OTX1: variants seen among roughly 807,000 people sequenced by gnomAD.
OTX1 encodes the protein orthodenticle homeobox 1.
Under a neutral mutation model 26.7 loss-of-function variants are expected in OTX1, and 7 were observed. That is an observed-to-expected ratio of 0.26 (90% CI 0.15 to 0.49). The LOEUF (loss-of-function observed/expected upper bound fraction) is 0.49, where lower values mean the gene tolerates loss of function less well. OTX1 is among the 20% of genes least tolerant of loss of function. OTX1 has a pLI of 0.98. For synonymous variants in OTX1, 216 were observed against 212.8 expected, an observed-to-expected ratio of 1.01 and a Z score of -0.13; for missense variants, 414 against 483.8, an observed-to-expected ratio of 0.86 and a Z score of 1.35.
At chr2:63,053,834 G>C (rs773616843) in intron 3 of OTX1, 10 of 576,154 alleles carry the variant, frequency 1.7e-5, no homozygotes, top group Non-Finnish European at 2.8e-5. Flanking sequence ...GGCAGCCCTC[G>C]AATCTTGGAG....
Position 63,055,573 on chromosome 2 carries a change from G to A in OTX1, c.322G>A (p.Ala108Thr). The change falls in exon 5 of 5, where the codon GCC becomes ACC. Residue 108 changes from alanine (A) to threonine (T), a missense_variant. Around this residue, in one of 3 missense-constraint regions of OTX1, gnomAD observed 320 missense variants for 347.9 expected, o/e 0.92. Coordinates refer to ENST00000282549, the MANE Select transcript of OTX1 (RefSeq NM_014562.4). The surrounding 1 kb of genome is among the most constrained non-coding windows in gnomAD (Gnocchi z 5.2). ...CGGGAGCGGAACCAAGAGCCGCCCA[G>A]CCAAGAAGAAGTCCTCTCCAGTGCG... The part of the protein sequence containing the change: ...QSGSGTKSRP[A>T]KKKSSPVRES... The A allele has an allele frequency of 6.2e-7, 1 of 1,614,186 alleles. No individual in the cohort carries two copies. The highest frequency in any genetic ancestry group is 8.5e-7 in the Non-Finnish European group (1 of 1,180,038).
In OTX1 at chr2:63,055,757, G is replaced by C; in HGVS notation, c.506G>C (p.Ser169Thr). 6.2e-7 allele frequency: 1 copy of C among 1,612,514 alleles called. No individual in the cohort carries two copies. The highest frequency in any genetic ancestry group is 8.5e-7 in the Non-Finnish European group (1 of 1,179,694). ...CCGGTGGCGGCCGCGTCGTCGCTGA[G>C]TACACCAGCTGCCTCATCTATCTGG... Reference protein sequence around the residue: ...GNPVAAASSLSTPAASSIWSP... With the variant: ...GNPVAAASSLTTPAASSIWSP... Residue 169 changes from serine (S) to threonine (T), a missense_variant, in exon 5 of 5, where the codon AGT (serine) becomes ACT (threonine). Transcript: ENST00000282549. The surrounding 1 kb of genome is among the most constrained non-coding windows in gnomAD (Gnocchi z 5.2).
chr2:63,053,977 C>T lies in OTX1; in HGVS notation c.98-70C>T, dbSNP rs111301620. The stretch of plus-strand genomic sequence containing the variant: ...GCCGAGATCTGGGCCTGCCAGGGGC[C>T]TGCCCGAGTCCTCTATCGCGGGTCC... On this transcript the variant is annotated intron_variant, in intron 3 of 4. Transcript: ENST00000282549. 10 of 1,545,190 alleles carry T rather than the reference C, an allele frequency of 6.5e-6. No homozygotes were observed. In the African/African-American group the frequency reaches 8.3e-5, roughly 13 times the overall value.
chr2:63,057,211 T>G lies in OTX1; in HGVS notation c.*895T>G, dbSNP rs934889064. ...AATATTTTCCCTCTGTCCGTCCCCC[T>G]TCTGCTCTTCCTCAATCAATGGCGC... On this transcript the variant is annotated 3_prime_UTR_variant, in exon 5 of 5. Coordinates refer to ENST00000282549, the MANE Select transcript of OTX1 (RefSeq NM_014562.4). The G allele has an allele frequency of 2.0e-5, 3 of 152,216 alleles. No individual in the cohort carries two copies. The allele number at this position is 152,216 out of a possible 1,614,324, so 9.4% of individuals were successfully genotyped here.
rs2062061951 is a variant in OTX1 at position 63,055,811 on chromosome 2, C to A, written c.560C>A (p.Ala187Glu). ...CCGGCCTCCATCTCGCCAGGCTCAG[C>A]GCCCGCGTCCGTGTCGGTGCCGGAG... ...WSPASISPGSAPASVSVPEPL... is the reference protein window; with the variant it reads ...WSPASISPGSEPASVSVPEPL... Residue 187 changes from alanine to glutamate, a missense_variant, in exon 5 of 5, where the codon GCG becomes GAG. This residue lies in a region of OTX1 where 320 missense variants were observed against 347.9 expected (regional missense o/e 0.92). Coordinates refer to ENST00000282549, the MANE Select transcript of OTX1 (RefSeq NM_014562.4). The surrounding 1 kb of genome is among the most constrained non-coding windows in gnomAD (Gnocchi z 5.2). 1 of 1,612,020 alleles carries A rather than the reference C, an allele frequency of 6.2e-7. No individual in the cohort carries two copies. The highest frequency in any genetic ancestry group is 8.5e-7 in the Non-Finnish European group (1 of 1,179,662).
Position 63,056,384 on chromosome 2 carries a change from C to A in OTX1, c.*68C>A. ...CTCCGTGGTCCCGATCCTGTTGCTG[C>A]TGCTGCACCGCCCGCCTTTGCCTCG... On this transcript the variant is annotated 3_prime_UTR_variant, in exon 5 of 5. Transcript: ENST00000282549. 1 of 1,362,340 alleles carries A rather than the reference C, an allele frequency of 7.3e-7. No individual in the cohort carries two copies. The highest frequency in any genetic ancestry group is 1.0e-6 in the Non-Finnish European group (1 of 983,550). 84.4% of individuals were successfully genotyped at this position (1,362,340 alleles called of 1,614,324 possible). A position where few individuals can be genotyped will look rare whatever the true frequency, so the allele number is the denominator to read the frequency against.
Position 63,057,231 on chromosome 2 carries a change from T to C in OTX1, c.*915T>C, listed in dbSNP as rs1242335989. On this transcript the variant is annotated 3_prime_UTR_variant, in exon 5 of 5. Coordinates refer to ENST00000282549, the MANE Select transcript of OTX1 (RefSeq NM_014562.4). ...CCCCCTTCTGCTCTTCCTCAATCAA[T>C]GGCGCTTTTTCTTTTTCAGTTGTTG... 3 of 152,214 alleles carry C rather than the reference T, an allele frequency of 2.0e-5. No individual in the cohort carries two copies. Among genetic ancestry groups the C allele is most frequent in the African/African-American group, 7.2e-5 (3 of 41,424 alleles). The allele number at this position is 152,214 out of a possible 1,614,324, so 9.4% of individuals were successfully genotyped here.
In OTX1 at chr2:63,055,968, C is replaced by G. The variant is rs1157768798; in HGVS notation, c.717C>G (p.Ser239=). The change falls in exon 5 of 5, where the codon TCC becomes TCG. Residue 239 remains serine, a synonymous_variant. Coordinates refer to ENST00000282549, the MANE Select transcript of OTX1 (RefSeq NM_014562.4). The surrounding 1 kb of genome is among the most constrained non-coding windows in gnomAD (Gnocchi z 5.2). ...GSYGQGYPTP[S]SSYFGGVDCS... is the part of the protein sequence containing the mutation. ...ACGGCCAAGGCTACCCTACGCCCTC[C>G]TCTTCCTACTTTGGCGGCGTGGACT... is the stretch of plus-strand genomic sequence containing the variant. 4.3e-6 allele frequency: 7 copies of G among 1,613,696 alleles called. No homozygotes were observed. The highest frequency in any genetic ancestry group is 5.9e-6 in the Non-Finnish European group (7 of 1,180,038).
Position 63,056,139 on chromosome 2 carries a change from TCAC to T in OTX1, c.903_905del (p.His301del), listed in dbSNP as rs760699913. The T allele has an allele frequency of 6.8e-6, 11 of 1,613,478 alleles. No homozygotes were observed. The East Asian group carries it at 2.0e-4, about 29-fold the overall frequency. The stretch of plus-strand genomic sequence containing the variant: ...AGTCCTCAGGCCACCACCACCACCA[TCAC>T]CACCACCACCACCAAGGCTACGGTG... On this transcript the variant is annotated inframe_deletion, in exon 5 of 5. Coordinates refer to ENST00000282549, the MANE Select transcript of OTX1 (RefSeq NM_014562.4).
chr2:63,052,044 A>T (rs1012773481), intron 2 of OTX1: 1 of 152,358 alleles, frequency 6.6e-6, no homozygotes, highest in African/African-American at 2.4e-5. Flanking sequence ...AATCCCCGAG[A>T]CCCTTTGAGG....
Position 63,055,785 on chromosome 2 carries a change from C to A in OTX1, c.534C>A (p.Ser178Arg). Reference sequence around the variant, plus strand: ...CACCAGCTGCCTCATCTATCTGGAGCCCGGCCTCCATCTCGCCAGGCTCAG... The same window carrying A: ...CACCAGCTGCCTCATCTATCTGGAGACCGGCCTCCATCTCGCCAGGCTCAG... ...LSTPAASSIW[S>R]PASISPGSAP... The change falls in exon 5 of 5, where the codon AGC becomes AGA. Residue 178 changes from serine (S) to arginine (R), a missense_variant. Ser to Arg is a moderately radical substitution (Grantham distance 110). This residue lies in a region of OTX1 where 320 missense variants were observed against 347.9 expected (regional missense o/e 0.92). Transcript: ENST00000282549. The surrounding 1 kb of genome is among the most constrained non-coding windows in gnomAD (Gnocchi z 5.2). 6.2e-7 allele frequency: 1 copy of A among 1,612,264 alleles called. No individual in the cohort carries two copies. The highest frequency in any genetic ancestry group is 8.5e-7 in the Non-Finnish European group (1 of 1,179,638).
chr2:63,053,411 C>A, intron 3 of OTX1: 1 of 306,198 alleles, frequency 3.3e-6, no homozygotes, highest in Middle Eastern at 8.8e-4. Context: ...AGTATTTTTC[C>A]TTTTTCCCCA....
chr2:63,053,159 T>G (rs919848839), intron 3 of OTX1, 72 bp downstream of exon 3: 5 of 1,049,342 alleles, frequency 4.8e-6, no homozygotes, highest in Non-Finnish European at 6.8e-6. Context: ...TGGATTTGAG[T>G]GCAAGCTTTG....
At position 63,055,882 on chromosome 2, in the gene OTX1, G is replaced by A; in HGVS notation, c.631G>A (p.Ala211Thr). ...CACCTCGTGTATGCAGCGCTCCGTA[G>A]CTGCAGGCGCCGCCACCGCAGCAGC... ...SNTSCMQRSV[A>T]AGAATAAASY... The change falls in exon 5 of 5, where the codon GCT becomes ACT. Residue 211 changes from alanine (A) to threonine (T), a missense_variant. This residue lies in a region of OTX1 where 320 missense variants were observed against 347.9 expected (regional missense o/e 0.92). Transcript: ENST00000282549. This position sits in a 1 kb window ranked among gnomAD's most constrained non-coding sequence, Gnocchi z 5.2. 1 of 1,612,036 alleles carries A rather than the reference G, an allele frequency of 6.2e-7. No homozygotes were observed. The highest frequency in any genetic ancestry group is 8.5e-7 in the Non-Finnish European group (1 of 1,179,884).
chr2:63,054,211 C>G lies in OTX1; in HGVS notation c.249+13C>G. On this transcript the variant is annotated intron_variant, in intron 4 of 4. Coordinates refer to ENST00000282549, the MANE Select transcript of OTX1 (RefSeq NM_014562.4). ...GTCTAGAGTCCAGGTGCGCACTCCCCGGGCTCCAGGGTCTGGGTAGGGGAG... is the reference window on the plus strand; with the variant it reads ...GTCTAGAGTCCAGGTGCGCACTCCCGGGGCTCCAGGGTCTGGGTAGGGGAG... 1.9e-6 allele frequency: 3 copies of G among 1,575,242 alleles called. No homozygotes were observed. Among genetic ancestry groups the G allele is most frequent in the Admixed American group, 1.8e-5 (1 of 56,902 alleles).
chr2:63,054,099 G>A lies in OTX1; in HGVS notation c.150G>A (p.Leu50=). 1.2e-6 allele frequency: 2 copies of A among 1,612,350 alleles called. No homozygotes were observed. The highest frequency in any genetic ancestry group is 2.2e-5 in the East Asian group (1 of 44,738). The change falls in exon 4 of 5, where the codon CTG becomes CTA. Residue 50 remains leucine (L), a synonymous_variant. Transcript: ENST00000282549. ...GCACCACCTTCACGCGTTCACAGCT[G>A]GACGTGCTCGAGGCGCTCTTCGCCA... ...RERTTFTRSQ[L]DVLEALFAKT... is the part of the protein sequence containing the mutation.
At chr2:63,053,969 C>T in intron 3 of OTX1, 78 bp from the exon 4 acceptor site, 2 of 1,512,370 alleles carry the variant, frequency 1.3e-6, no homozygotes, top group Non-Finnish European at 8.9e-7. Context: ...TCTGGGCCTG[C>T]CAGGGGCCTG....
intron 2 of OTX1, among the ~76,000 whole-genome samples, chr2:63,052,464 TG>T (rs1457786836): frequency 1.3e-5 from 2 of 152,172 alleles, no homozygotes; most frequent in Non-Finnish European, 2.9e-5. Context: ...CAAAAACACG[TG>T]AAACAAAATG....
chr2:63,052,158 C>G (rs924296105), intron 2 of OTX1: 57 of 152,580 alleles, frequency 3.7e-4, no homozygotes, highest in African/African-American at 1.2e-3. Context: ...GGACGCTGGC[C>G]GCAGCTGAGG....
Sources: allele counts gnomAD v4.1 joint callset (sites outside exome capture counted in the v4.1 genomes callset), GRCh38; gene constraint gnomAD v4.1.1; regional missense constraint gnomAD v4.1.1; non-coding constraint Gnocchi (gnomAD v3.1); transcripts MANE v1.5; gene names NCBI Gene and HGNC (gene_info 2026-07-23, HGNC 2026-07-21).